CTNNA2: variants seen among roughly 807,000 people sequenced by gnomAD.
CTNNA2 encodes the protein catenin alpha 2.
In CTNNA2, 42 loss-of-function variants were observed where a neutral mutation model predicts 101.0. The ratio of observed to expected loss-of-function variants is 0.42; its 90% CI spans 0.32 to 0.54. The LOEUF (loss-of-function observed/expected upper bound fraction) is 0.54, where lower values mean the gene tolerates loss of function less well. CTNNA2 is among the 20% of genes least tolerant of loss of function. The pLI is 0.14. For missense variants in CTNNA2, 871 were observed against 1,223.1 expected (o/e 0.71, Z 4.29); for synonymous variants, 450 against 456.4 (o/e 0.99, Z 0.18).
intron 1 of CTNNA2, among the ~76,000 whole-genome samples, chr2:79,543,555 C>CT (rs930816144): frequency 2.0e-5 from 3 of 152,100 alleles, no homozygotes; most frequent in African/African-American, 7.2e-5. Context: ...GGTTTTCAAT[C>CT]TGACAACTTT....
At chr2:80,474,271 T>C (rs975161555) in intron 9 of CTNNA2, among the ~76,000 whole-genome samples, 1 of 152,200 alleles carries the variant, frequency 6.6e-6, no homozygotes, top group Non-Finnish European at 1.5e-5. Flanking sequence ...CCAAGTGACA[T>C]GGTTGGCTTT....
At chr2:80,577,424 A>T (rs923469514) in intron 13 of CTNNA2, among the ~76,000 whole-genome samples, 1 of 152,128 alleles carries the variant, frequency 6.6e-6, no homozygotes, top group South Asian at 2.1e-4. Context: ...GGCGGAGGAA[A>T]TGTCAAGTGC....
chr2:80,040,283 G>T (rs1483990497), intron 7 of CTNNA2, among the ~76,000 whole-genome samples: 1 of 152,110 alleles, frequency 6.6e-6, no homozygotes, highest in African/African-American at 2.4e-5. Context: ...TTCAAAGAAG[G>T]TTTGTATTTT....
At chr2:80,049,969 C>T (rs11883960) in intron 7 of CTNNA2, among the ~76,000 whole-genome samples, 16,058 of 152,120 alleles carry the variant, frequency 0.11, 1,555 homozygotes, top group African/African-American at 0.26. Flanking sequence ...GCCTATAGGA[C>T]TCTCAGTCAC....
chr2:80,646,341 A>G (rs1388935497), intron 18 of CTNNA2, among the ~76,000 whole-genome samples: 1 of 152,118 alleles, frequency 6.6e-6, no homozygotes, highest in African/African-American at 2.4e-5. Context: ...TAATTGATAT[A>G]TCTCATTAGT....
At chr2:80,095,977 G>T (rs980782575) in intron 7 of CTNNA2, among the ~76,000 whole-genome samples, 1 of 151,800 alleles carries the variant, frequency 6.6e-6, no homozygotes, top group Non-Finnish European at 1.5e-5. Flanking sequence ...TTGATTTTTT[G>T]AAGGGTTTTT....
intron 1 of CTNNA2, among the ~76,000 whole-genome samples, chr2:79,583,317 G>T (rs1676265986): frequency 6.6e-6 from 1 of 151,792 alleles, no homozygotes; most frequent in Admixed American, 6.6e-5. Flanking sequence ...AGAAAAATTA[G>T]AATTGCTAAT....
intron 7 of CTNNA2, among the ~76,000 whole-genome samples, chr2:80,050,543 C>T (rs1052700193): frequency 6.6e-6 from 1 of 152,174 alleles, no homozygotes; most frequent in Non-Finnish European, 1.5e-5. Context: ...CTTCACAGTG[C>T]TGGGTGTATG....
At chr2:79,327,810 G>A (rs935274824) in intron 3 of CTNNA2, among the ~76,000 whole-genome samples, 1 of 152,156 alleles carries the variant, frequency 6.6e-6, no homozygotes, top group African/African-American at 2.4e-5. Flanking sequence ...GAAGGGGCAG[G>A]GGGATGGCAA....
chr2:79,462,547 C>A (rs970254852), intron 4 of CTNNA2, among the ~76,000 whole-genome samples: 4 of 152,146 alleles, frequency 2.6e-5, no homozygotes, highest in African/African-American at 9.7e-5. Context: ...AGAGAAGCAG[C>A]CAGAGTATAC....
rs975118680 is a variant in CTNNA2 at position 79,599,941 on chromosome 2, GAA to G, written c.-5-51608_-5-51607del. On this transcript the variant is annotated intron_variant, in intron 1 of 18. Coordinates refer to ENST00000402739, the MANE Select transcript of CTNNA2 (RefSeq NM_001282597.3). ...AACAGAAGAATTTAGGTCTAGAGAA[GAA>G]AAGTCTTGAGGGAGTAGAACAGAGA... is the stretch of plus-strand genomic sequence containing the variant. Among the ~76,000 whole-genome samples, 45 of 152,116 alleles carry G rather than the reference GAA, an allele frequency of 3.0e-4. 1 individual carries two copies. The highest frequency in any genetic ancestry group is 1.5e-5 in the Non-Finnish European group (1 of 68,006).
chr2:80,094,049 C>G (rs1240306482), intron 7 of CTNNA2, among the ~76,000 whole-genome samples: 1 of 152,082 alleles, frequency 6.6e-6, no homozygotes, highest in Non-Finnish European at 1.5e-5. Flanking sequence ...GTTGCCATTG[C>G]TTTTGGTGTT....
intron 18 of CTNNA2, among the ~76,000 whole-genome samples, chr2:80,645,933 C>T (rs1307569136): frequency 6.6e-6 from 1 of 152,072 alleles, no homozygotes; most frequent in Non-Finnish European, 1.5e-5. Context: ...AGACTACAAG[C>T]TTTTCTGGTG....
At chr2:80,273,175 A>G (rs1219069905) in intron 7 of CTNNA2, among the ~76,000 whole-genome samples, 1 of 152,160 alleles carries the variant, frequency 6.6e-6, no homozygotes, top group African/African-American at 2.4e-5. Flanking sequence ...ATTTTTAACC[A>G]TAAATCTTGC....
At chr2:79,400,409 C>A (rs1678277199) in intron 4 of CTNNA2, among the ~76,000 whole-genome samples, 1 of 151,830 alleles carries the variant, frequency 6.6e-6, no homozygotes, top group Admixed American at 6.6e-5. Flanking sequence ...GATGTATTTT[C>A]CTCTCATAGC....
intron 9 of CTNNA2, among the ~76,000 whole-genome samples, chr2:80,521,926 A>G (rs1010890576): frequency 3.3e-5 from 5 of 152,208 alleles, no homozygotes; most frequent in Admixed American, 2.6e-4. Context: ...TCATAGGTAG[A>G]GAAAGAATTA....
At chr2:79,643,679 T>C (rs905478488) in intron 1 of CTNNA2, among the ~76,000 whole-genome samples, 1 of 152,134 alleles carries the variant, frequency 6.6e-6, no homozygotes, top group African/African-American at 2.4e-5. Flanking sequence ...TGGGTCTCCT[T>C]CTTTGGCTCT....
rs570033174 is a variant in CTNNA2 at position 80,485,878 on chromosome 2, G to A, written c.1291-59104G>A. Among the ~76,000 whole-genome samples the A allele has an allele frequency of 1.2e-4, 18 of 152,188 alleles. No homozygotes were observed. The South Asian group carries it at 3.5e-3, about 30-fold the overall frequency. ...AGTGGTTTTGAGTATTGTTTTAATG[G>A]TGTTTTATCTTGAGCTTCATGATGG... On this transcript the variant is annotated intron_variant, in intron 9 of 18. Transcript: ENST00000402739.
intron 7 of CTNNA2, among the ~76,000 whole-genome samples, chr2:80,116,031 G>A (rs1298735803): frequency 1.3e-5 from 2 of 149,824 alleles, no homozygotes; most frequent in African/African-American, 2.5e-5. Context: ...AATGTCTTAT[G>A]GTATAGAATC....
Sources: gnomAD v4.1 joint callset for allele counts (sites outside exome capture counted in the v4.1 genomes callset) on GRCh38, gnomAD v4.1.1 for gene constraint, MANE v1.5 for transcripts, NCBI Gene and HGNC (gene_info 2026-07-23, HGNC 2026-07-21) for gene names.